The following TENM3 variants were observed in gnomAD, a reference collection of about 807,000 sequenced individuals.
TENM3 encodes the protein teneurin transmembrane protein 3, also known as teneurin-3.
A neutral mutation model predicts 255.1 loss-of-function variants in TENM3; 63 were observed. The observed-to-expected ratio is 0.25, with a 90% confidence interval of 0.20 to 0.30. TENM3 has a LOEUF of 0.30. TENM3 is among the 10% of genes least tolerant of loss of function. The pLI, the probability that TENM3 is intolerant of heterozygous loss-of-function variation, is 1.00. For missense variants in TENM3, 2,929 were observed against 3,461.1 expected (o/e 0.85, Z 3.86); for synonymous variants, 1,306 against 1,322.3 (o/e 0.99, Z 0.27).
chr4:182,113,392 AAGAACTCACAGAG>A, the TENM3 span, among the ~76,000 whole-genome samples: 1 of 152,172 alleles, frequency 6.6e-6, no homozygotes, highest in South Asian at 2.1e-4. Context: ...CTGTCTTGTA[AAGAACTCACAGAG>A]AGGAGAATGA....
At chr4:182,582,736 G>C (rs1745624573) in intron 3 of TENM3, among the ~76,000 whole-genome samples, 1 of 152,152 alleles carries the variant, frequency 6.6e-6, no homozygotes, top group African/African-American at 2.4e-5. Context: ...GTGTTAGAAT[G>C]CTTTAAAAAT....
chr4:182,118,774 G>A, the TENM3 span, among the ~76,000 whole-genome samples: 430 of 152,106 alleles, frequency 2.8e-3, 5 homozygotes, highest in African/African-American at 1.0e-2. Flanking sequence ...ATTGATTGTC[G>A]AACCAGCCTT....
the TENM3 span, among the ~76,000 whole-genome samples, chr4:181,656,901 T>C: frequency 6.6e-6 from 1 of 152,212 alleles, no homozygotes; most frequent in South Asian, 2.1e-4. Flanking sequence ...TCTAAGCTCT[T>C]TCCTGGCATC....
intron 1 of TENM3, among the ~76,000 whole-genome samples, chr4:182,264,757 T>A (rs896186952): frequency 6.6e-6 from 1 of 152,234 alleles, no homozygotes; most frequent in Non-Finnish European, 1.5e-5. Flanking sequence ...ACTAAAAATA[T>A]TGGCCACTTG....
At chr4:182,364,039 G>C in intron 3 of TENM3, among the ~76,000 whole-genome samples, 1 of 151,892 alleles carries the variant, frequency 6.6e-6, no homozygotes, top group African/African-American at 2.4e-5. Flanking sequence ...GCCTATAGGT[G>C]AACCAAATTA....
intron 3 of TENM3, among the ~76,000 whole-genome samples, chr4:182,534,738 A>G (rs1481717046): frequency 1.3e-5 from 2 of 152,230 alleles, no homozygotes; most frequent in Non-Finnish European, 2.9e-5. Context: ...CCAAAATCCA[A>G]ACTTGCAGAG....
the TENM3 span, among the ~76,000 whole-genome samples, chr4:181,644,432 T>TAA: frequency 7.5e-5 from 11 of 146,300 alleles, no homozygotes; most frequent in East Asian, 1.0e-3. Context: ...TCTCTTATCT[T>TAA]AAAAAAAAAA....
chr4:182,445,743 A>G (rs1467817926), intron 3 of TENM3, among the ~76,000 whole-genome samples: 1 of 152,160 alleles, frequency 6.6e-6, no homozygotes, highest in East Asian at 1.9e-4. Context: ...AATTCATTTA[A>G]TATTCCAAGT....
Position 182,796,772 on chromosome 4 carries a change from G to C in TENM3, c.7344+5G>C. On this transcript the variant is annotated splice_donor_5th_base_variant and intron_variant, in intron 27 of 27. Coordinates refer to ENST00000511685, the MANE Select transcript of TENM3 (RefSeq NM_001080477.4). ...CAGCAGTGGGATGATATACCGGTAA[G>C]AAACAAAAAGACCTACGGAAAGGTG... The C allele has an allele frequency of 6.3e-7, 1 of 1,598,262 alleles. No homozygotes were observed. The highest frequency in any genetic ancestry group is 8.5e-7 in the Non-Finnish European group (1 of 1,171,900).
At chr4:182,022,950 A>C in the TENM3 span, among the ~76,000 whole-genome samples, 1 of 152,232 alleles carries the variant, frequency 6.6e-6, no homozygotes, top group Non-Finnish European at 1.5e-5. Context: ...AACGCCTTCC[A>C]GCTTATTTTT....
the TENM3 span, among the ~76,000 whole-genome samples, chr4:182,094,941 TAAA>T: frequency 5.7e-5 from 6 of 105,650 alleles, no homozygotes; most frequent in Non-Finnish European, 8.1e-5. Flanking sequence ...AAATAGAAGG[TAAA>T]AAAAAAAAAA....
At chr4:181,977,065 C>T in the TENM3 span, among the ~76,000 whole-genome samples, 1,049 of 152,260 alleles carry the variant, frequency 6.9e-3, 23 homozygotes, top group South Asian at 0.06. Flanking sequence ...GACAGCGTGG[C>T]GTTGTACTTA....
At chr4:182,160,938 A>G (rs1224122574) in intron 1 of TENM3, among the ~76,000 whole-genome samples, 2 of 152,214 alleles carry the variant, frequency 1.3e-5, no homozygotes, top group African/African-American at 2.4e-5. Context: ...ATTGTACCCC[A>G]TAGATATATA....
Position 182,756,517 on chromosome 4 carries a change from C to T in TENM3, c.4892+1258C>T, listed in dbSNP as rs139572783. On this transcript the variant is annotated intron_variant, in intron 22 of 27. Coordinates refer to ENST00000511685, the MANE Select transcript of TENM3 (RefSeq NM_001080477.4). Reference sequence around the variant, plus strand: ...TATGCAGAGATGGCATGTTGACAAACGCAAAATAGTCTTTGAAATGAATCC... The same window carrying T: ...TATGCAGAGATGGCATGTTGACAAATGCAAAATAGTCTTTGAAATGAATCC... Among the ~76,000 whole-genome samples the T allele has an allele frequency of 2.0e-4, 31 of 152,278 alleles. No individual in the cohort carries two copies. In the East Asian group the frequency reaches 2.9e-3, roughly 14 times the overall value.
chr4:181,967,679 C>G, the TENM3 span, among the ~76,000 whole-genome samples: 1 of 152,010 alleles, frequency 6.6e-6, no homozygotes, highest in Admixed American at 6.6e-5. Flanking sequence ...GGGCCATTTT[C>G]AAATCTCTAA....
At chr4:182,767,140 A>G (rs1763783284) in intron 22 of TENM3, among the ~76,000 whole-genome samples, 1 of 152,166 alleles carries the variant, frequency 6.6e-6, no homozygotes, top group South Asian at 2.1e-4. Context: ...CTACCTTGCT[A>G]CAAATTATGA....
In TENM3 at chr4:182,754,893, A is replaced by G; in HGVS notation, c.4526A>G (p.Asn1509Ser). ...AATAAGCCTTTACTTAACTCTATGAACTTCTATGAAGTTGCGTCTCCAACT... is the reference window on the plus strand; with the variant it reads ...AATAAGCCTTTACTTAACTCTATGAGCTTCTATGAAGTTGCGTCTCCAACT... ...SKNKPLLNSM[N>S]FYEVASPTDQ... The change falls in exon 22 of 28, where the codon AAC becomes AGC. Residue 1509 changes from asparagine to serine, a missense_variant. Coordinates refer to ENST00000511685, the MANE Select transcript of TENM3 (RefSeq NM_001080477.4). The surrounding 1 kb of genome is among the most constrained non-coding windows in gnomAD (Gnocchi z 5.1). 1 of 1,614,018 alleles carries G rather than the reference A, an allele frequency of 6.2e-7. No individual in the cohort carries two copies. Among genetic ancestry groups the G allele is most frequent in the Non-Finnish European group, 8.5e-7 (1 of 1,179,888 alleles).
the TENM3 span, among the ~76,000 whole-genome samples, chr4:181,883,938 T>C: frequency 6.6e-6 from 1 of 152,186 alleles, no homozygotes; most frequent in Non-Finnish European, 1.5e-5. Context: ...AATGGAAGCG[T>C]GTTCAGTTGC....
At position 182,457,881 on chromosome 4, in the gene TENM3, T is replaced by C. The variant is rs186392009; in HGVS notation, c.511+110952T>C. 2.4e-4 allele frequency among the ~76,000 whole-genome samples: 37 copies of C among 152,364 alleles called. No individual in the cohort carries two copies. In the East Asian group the frequency reaches 4.2e-3, roughly 17 times the overall value. On this transcript the variant is annotated intron_variant, in intron 3 of 27. Coordinates refer to ENST00000511685, the MANE Select transcript of TENM3 (RefSeq NM_001080477.4). ...CGGCCTGTCTTTCTTCATTACTGAA[T>C]TCTGCATCCAGTGCAGTTGTCAAAT...
Sources: allele counts gnomAD v4.1 joint callset (sites outside exome capture counted in the v4.1 genomes callset), GRCh38; gene constraint gnomAD v4.1.1; non-coding constraint Gnocchi (gnomAD v3.1); transcripts MANE v1.5; gene names NCBI Gene and HGNC (gene_info 2026-07-23, HGNC 2026-07-21).